CHN2: variants seen among roughly 807,000 people sequenced by gnomAD.
CHN2 encodes beta-chimaerin.
CHN2 carries 35 observed loss-of-function variants against 56.3 expected under a neutral mutation model. The ratio of observed to expected loss-of-function variants is 0.62; its 90% CI spans 0.47 to 0.82. The LOEUF (loss-of-function observed/expected upper bound fraction) is 0.82. CHN2 is among the 40% of genes least tolerant of loss of function. CHN2 has a pLI of 0.00. For synonymous variants in CHN2, 210 were observed against 212.8 expected (o/e 0.99, Z 0.12); for missense variants, 491 against 580.5 (o/e 0.85, Z 1.58).
intron 1 of CHN2, among the ~76,000 whole-genome samples, chr7:29,243,921 T>G (rs1436533361): frequency 6.6e-6 from 1 of 152,274 alleles, no homozygotes; most frequent in Non-Finnish European, 1.5e-5. Flanking sequence ...CTTGCCGATC[T>G]GAACATTCAG....
Position 29,296,536 on chromosome 7 carries a change from A to T in CHN2, c.50-58089A>T, listed in dbSNP as rs191317495. The stretch of plus-strand genomic sequence containing the variant: ...GTAAAACAATAGAGAGATGTCAGAT[A>T]CTCCAGAGAAGAGGAAGGGTACCTT... On this transcript the variant is annotated intron_variant, in intron 1 of 12. Transcript: ENST00000222792. Among the ~76,000 whole-genome samples the T allele has an allele frequency of 2.0e-5, 3 of 152,324 alleles. No individual in the cohort carries two copies. The East Asian group carries it at 5.8e-4, about 29-fold the overall frequency.
chr7:29,349,106 A>T (rs776774761), intron 1 of CHN2, among the ~76,000 whole-genome samples: 1 of 152,204 alleles, frequency 6.6e-6, no homozygotes, highest in Non-Finnish European at 1.5e-5. Flanking sequence ...GCATGAGACT[A>T]CACATTGTAT....
intron 6 of CHN2, among the ~76,000 whole-genome samples, chr7:29,443,033 C>T (rs1256174831): frequency 3.4e-5 from 5 of 147,848 alleles, no homozygotes; most frequent in African/African-American, 1.0e-4. Context: ...CTCCGCTTCC[C>T]GGGTTCACGC....
At chr7:29,456,614 CT>C (rs879781826) in intron 6 of CHN2, among the ~76,000 whole-genome samples, 4,855 of 134,046 alleles carry the variant, frequency 0.036, 152 homozygotes, top group East Asian at 0.13. Flanking sequence ...CACCCGCCCC[CT>C]CCCCCCCACC....
chr7:29,288,127 C>T (rs886725047), intron 1 of CHN2, among the ~76,000 whole-genome samples: 3 of 151,866 alleles, frequency 2.0e-5, no homozygotes, highest in Non-Finnish European at 4.4e-5. Context: ...TAAAAACACA[C>T]TGAATGGGGA....
At chr7:29,448,684 C>T (rs998310821) in intron 6 of CHN2, among the ~76,000 whole-genome samples, 4 of 152,178 alleles carry the variant, frequency 2.6e-5, no homozygotes, top group Non-Finnish European at 5.9e-5. Flanking sequence ...ATTCCCTTTG[C>T]CTGAAATATT....
intron 3 of CHN2, among the ~76,000 whole-genome samples, chr7:29,377,775 A>G (rs764812204): frequency 8.5e-5 from 13 of 152,236 alleles, no homozygotes; most frequent in Non-Finnish European, 1.6e-4. Context: ...CTCACTTGAC[A>G]TTAGTTCTAA....
chr7:29,206,138 A>G (rs1784503009), intron 1 of CHN2, among the ~76,000 whole-genome samples: 1 of 152,216 alleles, frequency 6.6e-6, no homozygotes, highest in Non-Finnish European at 1.5e-5. Context: ...TGCCTAGCAC[A>G]GTGTCTGACA....
chr7:29,164,544 G>A (rs1029095468), intron 2 of CHN2, among the ~76,000 whole-genome samples: 1 of 151,848 alleles, frequency 6.6e-6, no homozygotes, highest in African/African-American at 2.4e-5. Flanking sequence ...CAGCACTTCG[G>A]GGGGCTGAGG....
intron 1 of CHN2, among the ~76,000 whole-genome samples, chr7:29,219,215 C>T (rs141037900): frequency 1.3e-5 from 2 of 152,212 alleles, no homozygotes; most frequent in Non-Finnish European, 2.9e-5. Flanking sequence ...TCACCGTTTC[C>T]CACCACTGTG....
chr7:29,415,734 T>A (rs1431832443), intron 6 of CHN2, among the ~76,000 whole-genome samples: 1 of 152,138 alleles, frequency 6.6e-6, no homozygotes, highest in African/African-American at 2.4e-5. Context: ...GCAGTGTGAT[T>A]TTTAGAAGGA....
chr7:29,226,491 G>C (rs971560990), intron 1 of CHN2, among the ~76,000 whole-genome samples: 5 of 152,116 alleles, frequency 3.3e-5, no homozygotes, highest in African/African-American at 1.2e-4. Flanking sequence ...ACGTCACAGA[G>C]CTTTATCCTA....
At chr7:29,304,295 T>G (rs1373770483) in intron 1 of CHN2, among the ~76,000 whole-genome samples, 1 of 152,192 alleles carries the variant, frequency 6.6e-6, no homozygotes, top group African/African-American at 2.4e-5. Flanking sequence ...AGCCTAATCC[T>G]TGGCATCCCC....
At chr7:29,310,159 A>G (rs2128885233) in intron 1 of CHN2, among the ~76,000 whole-genome samples, 1 of 152,342 alleles carries the variant, frequency 6.6e-6, no homozygotes, top group East Asian at 1.9e-4. Context: ...CACTAAAATC[A>G]AGTATGTGGA....
exon 1 of CHN2, chr7:29,146,634 G>A: frequency 6.4e-7 from 1 of 1,550,514 alleles, no homozygotes. Context: ...CCAACCTCCT[G>A]GTCCCAGAAA....
intron 1 of CHN2, among the ~76,000 whole-genome samples, chr7:29,211,457 CA>C (rs1784951882): frequency 7.4e-6 from 1 of 134,402 alleles, no homozygotes; most frequent in Admixed American, 7.0e-5. Context: ...TTGGCACACA[CA>C]CACACACACA....
intron 2 of CHN2, among the ~76,000 whole-genome samples, chr7:29,159,538 G>C (rs1308329547): frequency 6.6e-6 from 1 of 152,152 alleles, no homozygotes; most frequent in Non-Finnish European, 1.5e-5. Flanking sequence ...TATCATTGTA[G>C]TTCTCCTATG....
chr7:29,195,649 T>TGTGTGTGTGA lies in CHN2; in HGVS notation c.49+660_49+661insTGTGTGTGAG, dbSNP rs1554358914. Among the ~76,000 whole-genome samples, 240 of 130,690 alleles carry TGTGTGTGTGA rather than the reference T, an allele frequency of 1.8e-3. 1 individual carries two copies. The highest frequency in any genetic ancestry group is 6.8e-3 in the African/African-American group (239 of 35,206). The allele number at this position is 130,690 out of a possible 152,430, so 85.7% of individuals were successfully genotyped here. A position where few individuals can be genotyped will look rare whatever the true frequency, so the allele number is the denominator to read the frequency against. On this transcript the variant is annotated intron_variant, in intron 1 of 12. Coordinates refer to ENST00000222792, the MANE Select transcript of CHN2 (RefSeq NM_004067.4). Reference sequence around the variant, plus strand: ...GAGAGAGTGTGTGTGTGTGTGTGTGTGAGAGAGAGAGAGAGAGAGACTCCT... The same window carrying TGTGTGTGTGA: ...GAGAGAGTGTGTGTGTGTGTGTGTGTGTGTGTGTGAGAGAGAGAGAGAGAGAGAGACTCCT...
intron 1 of CHN2, among the ~76,000 whole-genome samples, chr7:29,220,004 G>A (rs1459807485): frequency 6.6e-6 from 1 of 152,094 alleles, no homozygotes; most frequent in African/African-American, 2.4e-5. Context: ...GAACCCAGGA[G>A]GCGGAGGTTG....
Sources: gnomAD v4.1 joint callset for allele counts (sites outside exome capture counted in the v4.1 genomes callset) on GRCh38, gnomAD v4.1.1 for gene constraint, MANE v1.5 for transcripts, NCBI Gene and HGNC (gene_info 2026-07-23, HGNC 2026-07-21) for gene names.